The following OSBPL10 variants were observed in gnomAD, a reference collection of about 807,000 sequenced individuals.
OSBPL10 encodes oxysterol-binding protein-related protein 10.
Under a neutral mutation model 81.7 loss-of-function variants are expected in OSBPL10, and 49 were observed. The observed-to-expected ratio is 0.60, with a 90% CI of 0.48 to 0.76. The LOEUF is 0.76. Ranked by LOEUF, OSBPL10 falls within the 30% of genes least tolerant of loss-of-function variation. OSBPL10 has a pLI of 0.00. For synonymous variants in OSBPL10, 419 were observed against 383.6 expected, an observed-to-expected ratio of 1.09 and a Z score of -1.08; for missense variants, 923 against 987.8, an observed-to-expected ratio of 0.93 and a Z score of 0.88.
intron 11 of OSBPL10, chr3:31,663,600 G>A (rs981626707): frequency 9.7e-7 from 1 of 1,027,124 alleles, no homozygotes; most frequent in Non-Finnish European, 1.2e-6. Context: ...GCCTTCCCCT[G>A]CATGACTAGC....
chr3:31,724,019 A>C (rs1173788861), intron 6 of OSBPL10, among the ~76,000 whole-genome samples: 2 of 152,196 alleles, frequency 1.3e-5, no homozygotes, highest in Non-Finnish European at 2.9e-5. Context: ...TTAGAGGGTG[A>C]GACTAAATAC....
intron 3 of OSBPL10, among the ~76,000 whole-genome samples, chr3:31,871,893 CAT>C (rs1206996229): frequency 1.3e-5 from 2 of 152,204 alleles, no homozygotes; most frequent in Non-Finnish European, 2.9e-5. Flanking sequence ...CACGCACACA[CAT>C]GCAAGAAATT....
chr3:31,903,189 AAACAT>A (rs1470436551), intron 1 of OSBPL10, among the ~76,000 whole-genome samples: 1 of 152,222 alleles, frequency 6.6e-6, no homozygotes, highest in Non-Finnish European at 1.5e-5. Flanking sequence ...AACAGTGGGA[AAACAT>A]AACAAAAATT....
intron 4 of OSBPL10, among the ~76,000 whole-genome samples, chr3:31,761,923 G>A: frequency 6.6e-6 from 1 of 151,944 alleles, no homozygotes. Flanking sequence ...GGGGTGTGAT[G>A]GTACTCAGCA....
At chr3:31,923,831 CTACTTGTAT>C (rs1696988698) in intron 1 of OSBPL10, among the ~76,000 whole-genome samples, 1 of 152,060 alleles carries the variant, frequency 6.6e-6, no homozygotes, top group African/African-American at 2.4e-5. Flanking sequence ...CCAGTATGAT[CTACTTGTAT>C]TTTTAAAAGC....
intron 1 of OSBPL10, among the ~76,000 whole-genome samples, chr3:31,908,117 C>T (rs969771748): frequency 6.6e-6 from 1 of 152,072 alleles, no homozygotes; most frequent in Non-Finnish European, 1.5e-5. Flanking sequence ...GAGGTGGGAG[C>T]AGGCTTGGTG....
At chr3:31,706,781 A>G (rs945215657) in intron 6 of OSBPL10, among the ~76,000 whole-genome samples, 1 of 152,228 alleles carries the variant, frequency 6.6e-6, no homozygotes, top group Non-Finnish European at 1.5e-5. Context: ...TATGTAATGT[A>G]ACTACAGTTT....
Position 32,052,722 on chromosome 3 carries a change from A to G in OSBPL10, n.186-6119T>C, listed in dbSNP as rs547439677. ...ACAGGAACAGAAAACCAAACACTGC[A>G]TGTTCTCACTTACAAGTGGGAGTTG... On this transcript the variant is annotated intron_variant and non_coding_transcript_variant, in intron 1 of 3. Transcript: ENST00000479173. Among the ~76,000 whole-genome samples the G allele has an allele frequency of 8.5e-5, 13 of 152,292 alleles. No individual in the cohort carries two copies. In the South Asian group the frequency reaches 2.1e-3, roughly 24 times the overall value.
chr3:31,934,881 G>A (rs1697343711), intron 1 of OSBPL10, among the ~76,000 whole-genome samples: 1 of 152,134 alleles, frequency 6.6e-6, no homozygotes, highest in South Asian at 2.1e-4. Context: ...CTTACCCATA[G>A]TAGTTTAAAC....
intron 3 of OSBPL10, among the ~76,000 whole-genome samples, chr3:31,837,903 A>G (rs1450899036): frequency 6.6e-6 from 1 of 152,164 alleles, no homozygotes; most frequent in Non-Finnish European, 1.5e-5. Context: ...GGAAATACAC[A>G]TATCAGGTAA....
intron 3 of OSBPL10, among the ~76,000 whole-genome samples, chr3:31,846,357 C>G (rs1700631426): frequency 6.6e-6 from 1 of 152,126 alleles, no homozygotes; most frequent in Non-Finnish European, 1.5e-5. Context: ...GGCGAGGTGA[C>G]TCATGCCTGT....
chr3:31,666,626 C>T (rs528097871), intron 10 of OSBPL10, among the ~76,000 whole-genome samples: 1 of 152,236 alleles, frequency 6.6e-6, no homozygotes, highest in South Asian at 2.1e-4. Flanking sequence ...ATACAGCAGT[C>T]CCCCTTTACC....
rs750348454 is a variant in OSBPL10, at chr3:31,989,913, A to G, written n.298+56578T>C. Reference sequence around the variant, plus strand: ...AGCGATACCTTGCATGCCATCATAGATGTCACACTGGTGAGAAACCTTACA... The same window carrying G: ...AGCGATACCTTGCATGCCATCATAGGTGTCACACTGGTGAGAAACCTTACA... On this transcript the variant is annotated intron_variant and non_coding_transcript_variant, in intron 2 of 3. Transcript: ENST00000479173. 9 of 1,614,218 alleles carry G rather than the reference A, an allele frequency of 5.6e-6. No homozygotes were observed. The South Asian group carries it at 9.9e-5, about 18-fold the overall frequency.
At chr3:31,846,453 G>A (rs954946644) in intron 3 of OSBPL10, among the ~76,000 whole-genome samples, 11 of 151,874 alleles carry the variant, frequency 7.2e-5, no homozygotes, top group South Asian at 2.1e-4. Context: ...GTAAAACCCC[G>A]TCTCTACTAA....
At chr3:31,818,577 C>G (rs767040692) in intron 4 of OSBPL10, among the ~76,000 whole-genome samples, 6 of 152,178 alleles carry the variant, frequency 3.9e-5, no homozygotes, top group Non-Finnish European at 7.3e-5. Context: ...CGGTCTGTGA[C>G]TTAGCTGCTT....
At chr3:31,762,629 C>CTTTTTTTTTTTTTTTTT (rs1491572896) in intron 4 of OSBPL10, among the ~76,000 whole-genome samples, 19 of 17,212 alleles carry the variant, frequency 1.1e-3, no homozygotes, top group South Asian at 2.3e-3. Flanking sequence ...CCATGCCCAG[C>CTTTTTTTTTTTTTTTTT]ATTTTTTTTT....
chr3:31,787,035 A>G (rs1161469201), intron 4 of OSBPL10, among the ~76,000 whole-genome samples: 1 of 152,202 alleles, frequency 6.6e-6, no homozygotes, highest in Non-Finnish European at 1.5e-5. Context: ...TCTGGAATTA[A>G]ATAAGACAAC....
chr3:31,808,474 T>A (rs563139255), intron 4 of OSBPL10, among the ~76,000 whole-genome samples: 1 of 152,270 alleles, frequency 6.6e-6, no homozygotes, highest in Admixed American at 6.5e-5. Flanking sequence ...AAACAATCAG[T>A]GTCCTGGAAA....
chr3:31,916,096 CA>C (rs1160687382), intron 1 of OSBPL10, among the ~76,000 whole-genome samples: 21,598 of 82,540 alleles, frequency 0.26, 1,656 homozygotes, highest in East Asian at 0.42. Flanking sequence ...AACTCCGTCT[CA>C]AAAAAAAAAA....
Sources: gnomAD v4.1 joint callset for allele counts (sites outside exome capture counted in the v4.1 genomes callset) on GRCh38, gnomAD v4.1.1 for gene constraint, MANE v1.5 for transcripts, NCBI Gene and HGNC (gene_info 2026-07-23, HGNC 2026-07-21) for gene names.